Variants in IL36RN observed in about 807,000 individuals in gnomAD.
The protein encoded by IL36RN is interleukin-36 receptor antagonist protein.
Under a neutral mutation model 13.0 loss-of-function variants are expected in IL36RN, and 11 were observed. The ratio of observed to expected loss-of-function variants is 0.85; its 90% CI spans 0.53 to 1.40. IL36RN has a LOEUF of 1.40. Ranked by LOEUF, IL36RN falls within the 40% of genes most tolerant of loss-of-function variation. IL36RN has a pLI of 0.00. For synonymous variants in IL36RN, 94 were observed against 84.1 expected, an observed-to-expected ratio of 1.12 and a Z score of -0.64; for missense variants, 195 against 195.3, an observed-to-expected ratio of 1.00 and a Z score of 0.01.
chr2:113,059,358 C>G, intron 1 of IL36RN, 54 bp from the exon 2 acceptor site: 1 of 1,526,726 alleles, frequency 6.5e-7, no homozygotes, highest in Non-Finnish European at 9.1e-7. Context: ...CTCCCCAGAC[C>G]CCAGCCAACT....
In IL36RN at chr2:113,062,868, T is replaced by C; in HGVS notation, c.*191T>C. The C allele has an allele frequency of 1.5e-6, 1 of 646,032 alleles. No individual in the cohort carries two copies. The highest frequency in any genetic ancestry group is 2.8e-6 in the Non-Finnish European group (1 of 357,202). 40.0% of individuals were successfully genotyped at this position (646,032 alleles called of 1,614,324 possible). A position where few individuals can be genotyped will look rare whatever the true frequency, so the allele number is the denominator to read the frequency against. ...AGATTTGGAGCTCAGTCCACGGTCC[T>C]CCCCCACTGGATGGTGCTACTGCTG... On this transcript the variant is annotated 3_prime_UTR_variant, in exon 5 of 5. Coordinates refer to ENST00000393200, the MANE Select transcript of IL36RN (RefSeq NM_012275.3).
chr2:113,062,851 A>G lies in IL36RN; in HGVS notation c.*174A>G. On this transcript the variant is annotated 3_prime_UTR_variant, in exon 5 of 5. Coordinates refer to ENST00000393200, the MANE Select transcript of IL36RN (RefSeq NM_012275.3). The stretch of plus-strand genomic sequence containing the variant: ...AGTTTGGATAAATTCTGAGATTTGG[A>G]GCTCAGTCCACGGTCCTCCCCCACT... The G allele has an allele frequency of 5.9e-6, 4 of 682,310 alleles. No individual in the cohort carries two copies. The highest frequency in any genetic ancestry group is 5.0e-5 in the South Asian group (3 of 60,128). 42.3% of individuals were successfully genotyped at this position (682,310 alleles called of 1,614,324 possible).
chr2:113,061,150 A>G (rs2251876), intron 3 of IL36RN, among the ~76,000 whole-genome samples: 92,565 of 152,140 alleles, frequency 0.61, 28,407 homozygotes, highest in South Asian at 0.8. Context: ...TGAAGCTTCT[A>G]TGCAGAAGTG....
chr2:113,062,741 C>A lies in IL36RN; in HGVS notation c.*64C>A. On this transcript the variant is annotated 3_prime_UTR_variant, in exon 5 of 5. Coordinates refer to ENST00000393200, the MANE Select transcript of IL36RN (RefSeq NM_012275.3). The stretch of plus-strand genomic sequence containing the variant: ...TCGGGTGAGGGGTGAGTGGAGGAGA[C>A]CCATGGCGGACAATCACTCTCTCTG... 1 of 1,396,056 alleles carries A rather than the reference C, an allele frequency of 7.2e-7. No individual in the cohort carries two copies. The highest frequency in any genetic ancestry group is 9.9e-7 in the Non-Finnish European group (1 of 1,006,082). 86.5% of individuals were successfully genotyped at this position (1,396,056 alleles called of 1,614,324 possible). A position where few individuals can be genotyped will look rare whatever the true frequency, so the allele number is the denominator to read the frequency against.
rs1202441304 is a variant in IL36RN at position 113,063,889 on chromosome 2, T to G, written c.*1212T>G. The G allele has an allele frequency of 6.6e-6, 1 of 152,220 alleles. No individual in the cohort carries two copies. Among genetic ancestry groups the G allele is most frequent in the Non-Finnish European group, 1.5e-5 (1 of 68,046 alleles). 9.4% of individuals were successfully genotyped at this position (152,220 alleles called of 1,614,324 possible). ...GATCCAGTCTCTAAGAAGGCTGCTG[T>G]ACTGGTTGAATTGTGTCCCCCTCAA... On this transcript the variant is annotated 3_prime_UTR_variant, in exon 5 of 5. Coordinates refer to ENST00000393200, the MANE Select transcript of IL36RN (RefSeq NM_012275.3).
chr2:113,059,451 G>A lies in IL36RN; in HGVS notation c.13G>A (p.Gly5Arg). 2 of 1,613,952 alleles carry A rather than the reference G, an allele frequency of 1.2e-6. No homozygotes were observed. Among genetic ancestry groups the A allele is most frequent in the African/African-American group, 1.3e-5 (1 of 75,040 alleles). MVLS[G>R]ALCFRMKDSA... ...TGTGGAGCTCAAGATGGTCCTGAGT[G>A]GGGCGCTGTGCTTCCGGTGAGTGTA... is the stretch of plus-strand genomic sequence containing the variant. The change falls in exon 2 of 5, where the codon GGG becomes AGG. Residue 5 changes from glycine to arginine, a missense_variant. Coordinates refer to ENST00000393200, the MANE Select transcript of IL36RN (RefSeq NM_012275.3).
Position 113,064,632 on chromosome 2 carries a change from G to C in IL36RN, c.*1955G>C, listed in dbSNP as rs1685708311. ...GTCTCCTGCCCACAGCCACATTAGT[G>C]AACCTAGAAGCAGAGACTCTGTGAG... On this transcript the variant is annotated 3_prime_UTR_variant, in exon 5 of 5. Coordinates refer to ENST00000393200, the MANE Select transcript of IL36RN (RefSeq NM_012275.3). The C allele has an allele frequency of 6.6e-6, 1 of 152,198 alleles. No homozygotes were observed. The highest frequency in any genetic ancestry group is 1.5e-5 in the Non-Finnish European group (1 of 68,040). The allele number at this position is 152,198 out of a possible 1,614,324, so 9.4% of individuals were successfully genotyped here.
At position 113,062,142 on chromosome 2, in the gene IL36RN, T is replaced by C. The variant is rs1217668855; in HGVS notation, c.134T>C (p.Val45Ala). The change falls in exon 4 of 5, where the codon GTC becomes GCC. Residue 45 changes from valine to alanine, a missense_variant. Coordinates refer to ENST00000393200, the MANE Select transcript of IL36RN (RefSeq NM_012275.3). Reference protein sequence around the residue: ...KVIKGEEISVVPNRWLDASLS... With the variant: ...KVIKGEEISVAPNRWLDASLS... ...CCCACAGGTGAAGAGATCAGCGTGGTCCCCAATCGGTGGCTGGATGCCAGC... is the reference window on the plus strand; with the variant it reads ...CCCACAGGTGAAGAGATCAGCGTGGCCCCCAATCGGTGGCTGGATGCCAGC... 6.8e-6 allele frequency: 11 copies of C among 1,613,890 alleles called. 1 individual carries two copies. The highest frequency in any genetic ancestry group is 9.3e-6 in the Non-Finnish European group (11 of 1,179,960).
intron 3 of IL36RN, 119 bp downstream of exon 3, chr2:113,061,056 G>A: frequency 3.9e-6 from 3 of 765,882 alleles, no homozygotes; most frequent in Non-Finnish European, 4.6e-6. Context: ...CCAGGCATTG[G>A]GGCAGCACAA....
intron 2 of IL36RN, 94 bp from the exon 3 acceptor site, chr2:113,060,758 A>C: frequency 2.3e-6 from 2 of 862,702 alleles, no homozygotes; most frequent in Non-Finnish European, 3.9e-6. Flanking sequence ...AAGAGAGACA[A>C]AATGCCTGAG....
upstream of IL36RN, chr2:113,059,094 G>T (rs759570472): frequency 1.6e-5 from 6 of 385,652 alleles, no homozygotes; most frequent in Non-Finnish European, 2.9e-5. Context: ...GCGACTTAGG[G>T]TGATGTGAAA....
chr2:113,062,675 T>G lies in IL36RN; in HGVS notation c.466T>G (p.Ter156GluextTer37). The G allele has an allele frequency of 6.2e-7, 1 of 1,609,428 alleles. No individual in the cohort carries two copies. Among genetic ancestry groups the G allele is most frequent in the South Asian group, 1.1e-5 (1 of 91,014 alleles). ...AGACTTCTACTTCCAGCAGTGTGACTAGGGCAACGTGCCCCCCAGAACTCC... is the reference window on the plus strand; with the variant it reads ...AGACTTCTACTTCCAGCAGTGTGACGAGGGCAACGTGCCCCCCAGAACTCC... ...ITDFYFQQCD[*>E] Residue 156 changes from the stop codon to glutamate (E), a stop_lost, in exon 5 of 5, where the codon TAG becomes GAG. Coordinates refer to ENST00000393200, the MANE Select transcript of IL36RN (RefSeq NM_012275.3).
At chr2:113,061,713 G>A (rs560682498) in intron 3 of IL36RN, among the ~76,000 whole-genome samples, 2 of 152,236 alleles carry the variant, frequency 1.3e-5, no homozygotes, top group East Asian at 1.9e-4. Context: ...GGGTGGTGAG[G>A]GGATGTACAG....
intron 3 of IL36RN, among the ~76,000 whole-genome samples, chr2:113,061,577 T>C (rs914739559): frequency 6.6e-6 from 1 of 150,812 alleles, no homozygotes; most frequent in Non-Finnish European, 1.5e-5. Context: ...TGTGTGAGCA[T>C]GTGTGCATGC....
At position 113,062,650 on chromosome 2, in the gene IL36RN, A is replaced by G. The variant is rs374014896; in HGVS notation, c.441A>G (p.Thr147=). Residue 147 remains threonine (T), a synonymous_variant, in exon 5 of 5, where the codon ACA becomes ACG. Transcript: ENST00000393200. ...PENGGWNAPI[T]DFYFQQCD ...ATGGTGGCTGGAATGCCCCCATCACAGACTTCTACTTCCAGCAGTGTGACT... is the reference window on the plus strand; with the variant it reads ...ATGGTGGCTGGAATGCCCCCATCACGGACTTCTACTTCCAGCAGTGTGACT... The G allele has an allele frequency of 1.9e-6, 3 of 1,612,376 alleles. No individual in the cohort carries two copies. Among genetic ancestry groups the G allele is most frequent in the Admixed American group, 1.7e-5 (1 of 60,004 alleles).
chr2:113,060,826 G>T (rs767539519), intron 2 of IL36RN, 26 bp from the exon 3 acceptor site: 2 of 1,570,120 alleles, frequency 1.3e-6, no homozygotes, highest in Non-Finnish European at 1.8e-6. Flanking sequence ...TCCTAATGTA[G>T]TCCTCACCCC....
At chr2:113,058,887 C>G (rs1174567096), upstream of IL36RN, 1 of 153,496 alleles carries the variant, frequency 6.5e-6, no homozygotes, top group Non-Finnish European at 1.4e-5. Flanking sequence ...GGGAGGGAGG[C>G]AGGGAGGAAA....
rs1685652128 is a variant in IL36RN at position 113,062,070 on chromosome 2, G to C, written c.116-54G>C. 3.4e-5 allele frequency: 54 copies of C among 1,599,488 alleles called. 1 individual carries two copies. The South Asian group carries it at 4.8e-4, about 14-fold the overall frequency. ...TCCTGTGCCCTAGAGCCCAGGACAG[G>C]GGAAGAAGGAGGGAAAGGCATCCAG... On this transcript the variant is annotated intron_variant, in intron 3 of 4. Coordinates refer to ENST00000393200, the MANE Select transcript of IL36RN (RefSeq NM_012275.3).
Position 113,064,140 on chromosome 2 carries a change from A to T in IL36RN, c.*1463A>T, listed in dbSNP as rs1299918890. On this transcript the variant is annotated 3_prime_UTR_variant, in exon 5 of 5. Coordinates refer to ENST00000393200, the MANE Select transcript of IL36RN (RefSeq NM_012275.3). The stretch of plus-strand genomic sequence containing the variant: ...GTTTTGCAGCCACAAGCTAAGAAAC[A>T]CCAAGGATTGTGGCAACCATCAGAA... 1 of 152,236 alleles carries T rather than the reference A, an allele frequency of 6.6e-6. No individual in the cohort carries two copies. Among genetic ancestry groups the T allele is most frequent in the Non-Finnish European group, 1.5e-5 (1 of 68,044 alleles). 9.4% of individuals were successfully genotyped at this position (152,236 alleles called of 1,614,324 possible). A position where few individuals can be genotyped will look rare whatever the true frequency, so the allele number is the denominator to read the frequency against.
Sources: gnomAD v4.1 joint callset for allele counts (sites outside exome capture counted in the v4.1 genomes callset) on GRCh38, gnomAD v4.1.1 for gene constraint, MANE v1.5 for transcripts, NCBI Gene and HGNC (gene_info 2026-07-23, HGNC 2026-07-21) for gene names.